The following LUZP2 variants were observed in gnomAD, a reference collection of about 807,000 sequenced individuals.
LUZP2 encodes the protein leucine zipper protein 2.
LUZP2 carries 52 observed loss-of-function variants against 51.6 expected under a neutral mutation model. The observed-to-expected ratio is 1.01, with a 90% CI of 0.81 to 1.27. The LOEUF (loss-of-function observed/expected upper bound fraction) is 1.27, where lower values mean the gene tolerates loss of function less well. LUZP2 is among the 50% of genes most tolerant of loss of function. The probability of loss-of-function intolerance (pLI) is 0.00; values close to 1 mark genes in which losing one functional copy is unlikely to be tolerated. For synonymous variants in LUZP2, 154 were observed against 137.3 expected (o/e 1.12, Z -0.85); for missense variants, 436 against 395.4 (o/e 1.10, Z -0.87).
chr11:25,026,203 A>C (rs1857487474), intron 9 of LUZP2, among the ~76,000 whole-genome samples: 1 of 151,954 alleles, frequency 6.6e-6, no homozygotes, highest in African/African-American at 2.4e-5. Flanking sequence ...ATAATGAGTT[A>C]ATGGGTGCAG....
At chr11:24,790,031 T>A (rs1247364605) in intron 5 of LUZP2, among the ~76,000 whole-genome samples, 2 of 152,330 alleles carry the variant, frequency 1.3e-5, no homozygotes, top group East Asian at 3.9e-4. Context: ...TTTCCACCTG[T>A]GCTTTGAATT....
chr11:24,810,078 C>T (rs1414752074), intron 5 of LUZP2, among the ~76,000 whole-genome samples: 2 of 152,052 alleles, frequency 1.3e-5, no homozygotes, highest in Admixed American at 1.3e-4. Context: ...TAGTTGTGTT[C>T]CAGGTAGTTA....
At chr11:24,521,202 T>C (rs1850628295) in intron 1 of LUZP2, among the ~76,000 whole-genome samples, 1 of 151,970 alleles carries the variant, frequency 6.6e-6, no homozygotes, top group Non-Finnish European at 1.5e-5. Context: ...AATGCAAAAG[T>C]TAGTCAGGCA....
chr11:24,831,838 G>A (rs2716496), intron 5 of LUZP2: 23,862 of 152,458 alleles, frequency 0.16, 2,077 homozygotes, highest in African/African-American at 0.22. Flanking sequence ...TGTCTGCTAA[G>A]GGACTATTTG....
In LUZP2 at chr11:24,976,789, A is replaced by G. The variant is rs11028314; in HGVS notation, c.597+124A>G. 0.44 allele frequency: 226,834 copies of G among 520,624 alleles called. 54,787 individuals carry two copies. Among genetic ancestry groups the G allele is most frequent in the East Asian group, 0.7 (18,376 of 26,106 alleles). 32.3% of individuals were successfully genotyped at this position (520,624 alleles called of 1,614,324 possible). A position where few individuals can be genotyped will look rare whatever the true frequency, so the allele number is the denominator to read the frequency against. ...TAATGTGTTTCTAGATGCTGTGTAT[A>G]TAAGATAGTTACAGAATTCAGGAAG... On this transcript the variant is annotated intron_variant, in intron 8 of 11. Transcript: ENST00000336930.
chr11:24,528,426 A>G (rs1850887608), intron 1 of LUZP2, among the ~76,000 whole-genome samples: 1 of 151,350 alleles, frequency 6.6e-6, no homozygotes, highest in Admixed American at 6.6e-5. Context: ...ATTATATTTT[A>G]GAAAGTGTTG....
intron 5 of LUZP2, among the ~76,000 whole-genome samples, chr11:24,773,854 G>A (rs1848825597): frequency 6.6e-6 from 1 of 152,134 alleles, no homozygotes; most frequent in South Asian, 2.1e-4. Flanking sequence ...ACTAAGGACT[G>A]TTAAGCCCCC....
chr11:24,926,277 A>G (rs60049539), intron 7 of LUZP2, among the ~76,000 whole-genome samples: 5,775 of 44,308 alleles, frequency 0.13, 335 homozygotes, highest in East Asian at 0.31. Context: ...ATATACGTGT[A>G]TATATATATA....
intron 1 of LUZP2, among the ~76,000 whole-genome samples, chr11:24,647,251 C>A (rs1313726518): frequency 6.6e-6 from 1 of 151,866 alleles, no homozygotes; most frequent in Non-Finnish European, 1.5e-5. Context: ...ATTCAAAACA[C>A]CTTTCTGTAT....
rs1003842926 is a variant in LUZP2 at position 24,862,902 on chromosome 11, T to C, written c.397-43089T>C. Among the ~76,000 whole-genome samples the C allele has an allele frequency of 2.3e-4, 35 of 152,176 alleles. 2 individuals are homozygous for C. The highest frequency in any genetic ancestry group is 1.5e-5 in the Non-Finnish European group (1 of 68,022). On this transcript the variant is annotated intron_variant, in intron 5 of 11. Transcript: ENST00000336930. Reference sequence around the variant, plus strand: ...ATAGCAATGGGCAATAAATAAAGATTTCTTCAAATAAGATTTTTTTAAGAA... The same window carrying C: ...ATAGCAATGGGCAATAAATAAAGATCTCTTCAAATAAGATTTTTTTAAGAA...
chr11:24,519,493 A>C (rs1410553068), intron 1 of LUZP2, among the ~76,000 whole-genome samples: 1 of 152,238 alleles, frequency 6.6e-6, no homozygotes, highest in Non-Finnish European at 1.5e-5. Flanking sequence ...GAAGAAAATA[A>C]GTATGAGATC....
intron 1 of LUZP2, among the ~76,000 whole-genome samples, chr11:24,500,961 A>G (rs1228451305): frequency 6.6e-6 from 1 of 152,230 alleles, no homozygotes; most frequent in Non-Finnish European, 1.5e-5. Flanking sequence ...AATAAAGGAC[A>G]AGAATCACAA....
chr11:24,911,706 A>C (rs1853642904), intron 6 of LUZP2, among the ~76,000 whole-genome samples: 1 of 152,198 alleles, frequency 6.6e-6, no homozygotes, highest in Non-Finnish European at 1.5e-5. Flanking sequence ...AGAACAGACT[A>C]ATACAGAGAG....
intron 1 of LUZP2, among the ~76,000 whole-genome samples, chr11:24,508,889 A>C (rs985408817): frequency 3.3e-5 from 5 of 152,136 alleles, no homozygotes; most frequent in African/African-American, 1.2e-4. Flanking sequence ...AGGGGTAGAG[A>C]TGAGACTTGA....
intron 7 of LUZP2, among the ~76,000 whole-genome samples, chr11:24,952,612 C>A (rs184510774): frequency 2.6e-5 from 4 of 151,676 alleles, no homozygotes; most frequent in Admixed American, 2.6e-4. Flanking sequence ...GTGAGAGATT[C>A]GAAAATGTGG....
At chr11:24,742,742 T>A (rs1238295627) in intron 4 of LUZP2, among the ~76,000 whole-genome samples, 1 of 152,142 alleles carries the variant, frequency 6.6e-6, no homozygotes, top group Non-Finnish European at 1.5e-5. Flanking sequence ...CGTTTGCTTT[T>A]GGGTTCTTTG....
At chr11:24,870,453 A>G (rs16913433) in intron 5 of LUZP2, among the ~76,000 whole-genome samples, 13,604 of 149,096 alleles carry the variant, frequency 0.091, 986 homozygotes, top group African/African-American at 0.2. Flanking sequence ...ATTGAAATCT[A>G]TGAGCACACC....
chr11:24,684,270 C>T (rs1476259436), intron 1 of LUZP2, among the ~76,000 whole-genome samples: 1 of 152,020 alleles, frequency 6.6e-6, no homozygotes, highest in East Asian at 1.9e-4. Context: ...CCTAATTGCC[C>T]ATAGGAAAAA....
chr11:25,011,632 G>T (rs890891244), intron 9 of LUZP2, among the ~76,000 whole-genome samples: 3 of 151,990 alleles, frequency 2.0e-5, no homozygotes, highest in Non-Finnish European at 4.4e-5. Context: ...CCTTTTTATG[G>T]ATGGTGGTAC....
Sources: gnomAD v4.1 joint callset for allele counts (sites outside exome capture counted in the v4.1 genomes callset) on GRCh38, gnomAD v4.1.1 for gene constraint, MANE v1.5 for transcripts, NCBI Gene and HGNC (gene_info 2026-07-23, HGNC 2026-07-21) for gene names.